The following KCNMB2 variants were observed in gnomAD, a reference collection of about 807,000 sequenced individuals.
KCNMB2 encodes the protein potassium calcium-activated channel subfamily M regulatory beta subunit 2.
A neutral mutation model predicts 24.5 loss-of-function variants in KCNMB2; 9 were observed. That is an observed-to-expected ratio of 0.37 (90% CI 0.22 to 0.64). The LOEUF (loss-of-function observed/expected upper bound fraction) is 0.64, where lower values mean the gene tolerates loss of function less well. KCNMB2 is among the 30% of genes least tolerant of loss of function. The pLI, the probability that KCNMB2 is intolerant of heterozygous loss-of-function variation, is 0.63. For missense variants in KCNMB2, 226 were observed against 284.3 expected (o/e 0.79, Z 1.47); for synonymous variants, 109 against 104.4 (o/e 1.04, Z -0.27).
chr3:178,816,321 T>C (rs1186828658), intron 2 of KCNMB2, among the ~76,000 whole-genome samples: 2 of 151,956 alleles, frequency 1.3e-5, no homozygotes, highest in African/African-American at 4.8e-5. Flanking sequence ...TTCCAATCCA[T>C]ACCTTATCTG....
At chr3:178,801,565 C>A (rs955373512) in intron 1 of KCNMB2, among the ~76,000 whole-genome samples, 1 of 151,950 alleles carries the variant, frequency 6.6e-6, no homozygotes, top group Non-Finnish European at 1.5e-5. Flanking sequence ...TGCCAGTTCC[C>A]AAAATTATAC....
intron 1 of KCNMB2, among the ~76,000 whole-genome samples, chr3:178,678,576 T>C (rs1165185906): frequency 6.6e-6 from 1 of 152,206 alleles, no homozygotes; most frequent in African/African-American, 2.4e-5. Flanking sequence ...CACATTTTTG[T>C]AGACTGATAA....
At chr3:178,652,634 G>A (rs1437167219) in intron 1 of KCNMB2, among the ~76,000 whole-genome samples, 2 of 146,658 alleles carry the variant, frequency 1.4e-5, no homozygotes, top group African/African-American at 2.5e-5. Context: ...TTCTTTCTTA[G>A]CTATTTCTGG....
At chr3:178,652,335 G>A (rs1720153234) in intron 1 of KCNMB2, among the ~76,000 whole-genome samples, 1 of 152,106 alleles carries the variant, frequency 6.6e-6, no homozygotes, top group Admixed American at 6.5e-5. Flanking sequence ...GTGGCTAGGG[G>A]AGGGATAGCA....
intron 1 of KCNMB2, among the ~76,000 whole-genome samples, chr3:178,714,382 A>G (rs2108352376): frequency 6.6e-6 from 1 of 152,292 alleles, no homozygotes; most frequent in Non-Finnish European, 1.5e-5. Context: ...ATGAGGAGGG[A>G]CACAGTGTTG....
At chr3:178,714,122 T>C (rs1307722276) in intron 1 of KCNMB2, among the ~76,000 whole-genome samples, 1 of 152,178 alleles carries the variant, frequency 6.6e-6, no homozygotes, top group African/African-American at 2.4e-5. Context: ...ATACTTGAGC[T>C]GCATGCCTCT....
At chr3:178,580,145 C>T (rs188987012) in intron 1 of KCNMB2, among the ~76,000 whole-genome samples, 8 of 152,308 alleles carry the variant, frequency 5.3e-5, no homozygotes, top group Non-Finnish European at 4.4e-5. Flanking sequence ...CAAACCGAAT[C>T]CATCAGCACA....
At chr3:178,610,969 T>G (rs1158141769) in intron 1 of KCNMB2, among the ~76,000 whole-genome samples, 3 of 152,238 alleles carry the variant, frequency 2.0e-5, no homozygotes, top group African/African-American at 7.2e-5. Flanking sequence ...TTTCTGGTTT[T>G]GGTATCAGGG....
intron 1 of KCNMB2, among the ~76,000 whole-genome samples, chr3:178,637,738 T>C (rs998343148): frequency 1.3e-5 from 2 of 152,134 alleles, no homozygotes; most frequent in Admixed American, 6.5e-5. Flanking sequence ...ACAAGCATGG[T>C]AGAAGAAACC....
chr3:178,735,446 C>A (rs1723284896), intron 1 of KCNMB2, among the ~76,000 whole-genome samples: 1 of 152,260 alleles, frequency 6.6e-6, no homozygotes, highest in African/African-American at 2.4e-5. Context: ...ATCCAGTTCA[C>A]TCCTTAGTAT....
At chr3:178,626,279 G>A (rs1719114531) in intron 1 of KCNMB2, among the ~76,000 whole-genome samples, 1 of 152,158 alleles carries the variant, frequency 6.6e-6, no homozygotes, top group South Asian at 2.1e-4. Context: ...ACATTTCTGA[G>A]CATTGATTTC....
intron 1 of KCNMB2, among the ~76,000 whole-genome samples, chr3:178,678,899 C>T (rs1190755334): frequency 6.6e-6 from 1 of 152,156 alleles, no homozygotes; most frequent in Non-Finnish European, 1.5e-5. Flanking sequence ...CTTTCCTGAT[C>T]TTCTTTCTAA....
chr3:178,744,581 C>T (rs111715202), intron 1 of KCNMB2, among the ~76,000 whole-genome samples: 6 of 152,278 alleles, frequency 3.9e-5, no homozygotes, highest in African/African-American at 1.4e-4. Context: ...AAATCTTTGA[C>T]AAACCTTGTT....
chr3:178,655,162 C>G (rs1237069543), intron 1 of KCNMB2, among the ~76,000 whole-genome samples: 1 of 145,528 alleles, frequency 6.9e-6, no homozygotes, highest in African/African-American at 2.6e-5. Flanking sequence ...TTCTCTGGGA[C>G]TTAGTGAAAT....
At chr3:178,734,401 C>T (rs1189249081) in intron 1 of KCNMB2, among the ~76,000 whole-genome samples, 1 of 152,120 alleles carries the variant, frequency 6.6e-6, no homozygotes, top group Non-Finnish European at 1.5e-5. Context: ...CCTCAGTCTC[C>T]CTTCACTAAA....
intron 1 of KCNMB2, among the ~76,000 whole-genome samples, chr3:178,707,126 T>G (rs1255017743): frequency 6.6e-6 from 1 of 152,080 alleles, no homozygotes; most frequent in African/African-American, 2.4e-5. Context: ...GAGTGGCAAG[T>G]GATACTTATT....
chr3:178,714,627 G>C (rs1486919351), intron 1 of KCNMB2, among the ~76,000 whole-genome samples: 2 of 152,226 alleles, frequency 1.3e-5, no homozygotes, highest in Admixed American at 6.5e-5. Context: ...AGTTTGGAAA[G>C]ATAGGTTGCA....
chr3:178,621,625 A>G (rs1718924034), intron 1 of KCNMB2, among the ~76,000 whole-genome samples: 1 of 151,854 alleles, frequency 6.6e-6, no homozygotes, highest in African/African-American at 2.4e-5. Flanking sequence ...GTTTTTTTCC[A>G]TTGCACTTAT....
intron 1 of KCNMB2, among the ~76,000 whole-genome samples, chr3:178,709,057 G>A (rs1021410229): frequency 2.0e-5 from 3 of 152,154 alleles, no homozygotes; most frequent in African/African-American, 7.2e-5. Flanking sequence ...CAGTGTACTA[G>A]TTCTATTTAG....
Sources: gnomAD v4.1 joint callset for allele counts (sites outside exome capture counted in the v4.1 genomes callset) on GRCh38, gnomAD v4.1.1 for gene constraint, MANE v1.5 for transcripts, NCBI Gene and HGNC (gene_info 2026-07-23, HGNC 2026-07-21) for gene names.